The following ZNF385D variants were observed in gnomAD, a reference collection of about 807,000 sequenced individuals.
The protein encoded by ZNF385D is zinc finger protein 385D.
In ZNF385D, 15 loss-of-function variants were observed where a neutral mutation model predicts 35.8. That is an observed-to-expected ratio of 0.42 (90% confidence interval 0.28 to 0.64). The LOEUF is 0.64. ZNF385D is among the 30% of genes least tolerant of loss of function. The probability of loss-of-function intolerance (pLI) is 0.23; values close to 1 mark genes in which losing one functional copy is unlikely to be tolerated. For missense variants in ZNF385D, 474 were observed against 494.6 expected, an observed-to-expected ratio of 0.96 and a Z score of 0.39; for synonymous variants, 212 against 186.8, an observed-to-expected ratio of 1.13 and a Z score of -1.10.
intron 2 of ZNF385D, among the ~76,000 whole-genome samples, chr3:21,590,757 T>TAATC (rs2063950485): frequency 6.6e-6 from 1 of 152,136 alleles, no homozygotes; most frequent in South Asian, 2.1e-4. Flanking sequence ...TAACGCTGCC[T>TAATC]AATCAATGAG....
intron 3 of ZNF385D, among the ~76,000 whole-genome samples, chr3:22,115,861 A>AAGG (rs1702783308): frequency 2.0e-5 from 3 of 152,130 alleles, no homozygotes; most frequent in Non-Finnish European, 4.4e-5. Context: ...TTGTTTCCTT[A>AAGG]AAATAAAACT....
At chr3:21,700,368 G>A (rs933616007) in intron 1 of ZNF385D, among the ~76,000 whole-genome samples, 6 of 152,114 alleles carry the variant, frequency 3.9e-5, no homozygotes, top group African/African-American at 1.4e-4. Context: ...AACTTAAAAG[G>A]CATCTGACAC....
At chr3:21,751,443 G>A (rs2070081679), upstream of ZNF385D, 1 of 989,046 alleles carries the variant, frequency 1.0e-6, no homozygotes, top group Non-Finnish European at 1.2e-6. Context: ...TGTGCAGGAG[G>A]GACGTGGTTA....
At position 21,836,588 on chromosome 3, in the gene ZNF385D, C is replaced by T. The variant is rs118174808; in HGVS notation, c.326-171560G>A. Among the ~76,000 whole-genome samples, 1,281 of 152,142 alleles carry T rather than the reference C, an allele frequency of 8.4e-3. 49 individuals are homozygous for T. The highest frequency in any genetic ancestry group is 0.068 in the Admixed American group (1,039 of 15,266). On this transcript the variant is annotated intron_variant, in intron 3 of 5. Transcript: ENST00000494108. ...TAAGGAGCCAGATAGATAGTAAGCA[C>T]GTTAGACTTGCACACAGCCTCTATC...
intron 2 of ZNF385D, among the ~76,000 whole-genome samples, chr3:21,581,023 C>G (rs1025068044): frequency 6.6e-6 from 1 of 152,084 alleles, no homozygotes; most frequent in Non-Finnish European, 1.5e-5. Context: ...TTCCTCCCAC[C>G]GTAAGTGCCC....
intron 4 of ZNF385D, among the ~76,000 whole-genome samples, chr3:21,452,309 C>A (rs1241581850): frequency 6.6e-6 from 1 of 151,914 alleles, no homozygotes; most frequent in East Asian, 1.9e-4. Context: ...CTCAATTTTG[C>A]CCCATGTAAA....
At chr3:21,543,997 T>TTG (rs530920341) in intron 3 of ZNF385D, among the ~76,000 whole-genome samples, 91 of 152,244 alleles carry the variant, frequency 6.0e-4, no homozygotes, top group Admixed American at 2.2e-3. Context: ...CTGGATTTTT[T>TTG]TGTGTGTGTG....
At chr3:21,719,373 G>C (rs182721965) in intron 1 of ZNF385D, among the ~76,000 whole-genome samples, 1 of 152,174 alleles carries the variant, frequency 6.6e-6, no homozygotes, top group African/African-American at 2.4e-5. Flanking sequence ...CGTGTTCTCT[G>C]GATGCAGCAA....
intron 2 of ZNF385D, among the ~76,000 whole-genome samples, chr3:22,201,234 G>A (rs1459186502): frequency 1.2e-4 from 18 of 152,084 alleles, no homozygotes; most frequent in Admixed American, 5.9e-4. Context: ...CACAATCCAC[G>A]TTCTTCTGCC....
intron 3 of ZNF385D, among the ~76,000 whole-genome samples, chr3:21,965,645 A>G (rs1446123035): frequency 2.6e-5 from 4 of 152,180 alleles, no homozygotes; most frequent in Non-Finnish European, 5.9e-5. Flanking sequence ...AAATAACTAA[A>G]AAGGACATTA....
intron 3 of ZNF385D, among the ~76,000 whole-genome samples, chr3:22,030,205 G>A (rs989924960): frequency 1.5e-5 from 2 of 132,672 alleles, no homozygotes; most frequent in African/African-American, 5.7e-5. Context: ...CTTGAAGACA[G>A]CCTATTGTGG....
Position 21,419,827 on chromosome 3 carries a change from T to C in ZNF385D, c.*1387A>G, listed in dbSNP as rs1275056028. The C allele has an allele frequency of 6.6e-6, 1 of 151,952 alleles. No homozygotes were observed. Among genetic ancestry groups the C allele is most frequent in the East Asian group, 1.9e-4 (1 of 5,198 alleles). The allele number at this position is 151,952 out of a possible 1,614,324, so 9.4% of individuals were successfully genotyped here. On this transcript the variant is annotated 3_prime_UTR_variant, in exon 8 of 8. Coordinates refer to ENST00000281523, the MANE Select transcript of ZNF385D (RefSeq NM_024697.3). ...ATATAGATTTTTTCTTTTTATAACT[T>C]ATTCTCTTAATCTTTCTAACATATA...
intron 3 of ZNF385D, among the ~76,000 whole-genome samples, chr3:21,768,864 T>A (rs1463295455): frequency 6.6e-6 from 1 of 151,816 alleles, no homozygotes; most frequent in Non-Finnish European, 1.5e-5. Context: ...CTTTGATTAT[T>A]CTATATTTCT....
At chr3:21,991,380 C>G (rs1043421942) in intron 3 of ZNF385D, among the ~76,000 whole-genome samples, 1 of 152,190 alleles carries the variant, frequency 6.6e-6, no homozygotes, top group African/African-American at 2.4e-5. Flanking sequence ...CATGCCACCA[C>G]AAAGCCGTGA....
chr3:21,899,586 C>A (rs1575866954), intron 3 of ZNF385D, among the ~76,000 whole-genome samples: 1 of 151,970 alleles, frequency 6.6e-6, no homozygotes, highest in East Asian at 1.9e-4. Flanking sequence ...TAGATCATGC[C>A]CCAGGAGACT....
At position 21,556,052 on chromosome 3, in the gene ZNF385D, CG is replaced by C. The variant is rs560686238; in HGVS notation, c.276+8521del. 3.0e-3 allele frequency among the ~76,000 whole-genome samples: 381 copies of C among 127,596 alleles called. 3 individuals carry two copies. The highest frequency in any genetic ancestry group is 0.021 in the Middle Eastern group (5 of 240). 83.7% of individuals were successfully genotyped at this position (127,596 alleles called of 152,430 possible). A position where few individuals can be genotyped will look rare whatever the true frequency, so the allele number is the denominator to read the frequency against. ...TTCATATCCTTTGCCCACTTTTTGACGTTTTTTTTGTTTTTGTTTTTTTTTT... is the reference window on the plus strand; with the variant it reads ...TTCATATCCTTTGCCCACTTTTTGACTTTTTTTTGTTTTTGTTTTTTTTTT... On this transcript the variant is annotated intron_variant, in intron 3 of 7. Transcript: ENST00000281523.
intron 3 of ZNF385D, among the ~76,000 whole-genome samples, chr3:21,905,930 G>C (rs1699662844): frequency 6.6e-6 from 1 of 152,128 alleles, no homozygotes; most frequent in African/African-American, 2.4e-5. Context: ...TAAAAAGACT[G>C]AACCATGTAG....
intron 2 of ZNF385D, among the ~76,000 whole-genome samples, chr3:21,656,420 T>C (rs2066073211): frequency 6.6e-6 from 1 of 151,960 alleles, no homozygotes; most frequent in Non-Finnish European, 1.5e-5. Flanking sequence ...GTCTGTCTCC[T>C]TGGTTGTAGA....
chr3:21,875,456 G>A (rs968576168), intron 3 of ZNF385D, among the ~76,000 whole-genome samples: 1 of 151,884 alleles, frequency 6.6e-6, no homozygotes, highest in Non-Finnish European at 1.5e-5. Flanking sequence ...CTACATTGCT[G>A]CTTCAGTTTA....
Sources: allele counts gnomAD v4.1 joint callset (sites outside exome capture counted in the v4.1 genomes callset), GRCh38; gene constraint gnomAD v4.1.1; transcripts MANE v1.5; gene names NCBI Gene and HGNC (gene_info 2026-07-23, HGNC 2026-07-21).